The following FAF1 variants were observed in gnomAD, a reference collection of about 807,000 sequenced individuals.
FAF1 encodes the protein Fas associated factor 1.
In FAF1, 25 loss-of-function variants were observed where a neutral mutation model predicts 92.5. That is an observed-to-expected ratio of 0.27 (90% CI 0.20 to 0.38). The LOEUF (loss-of-function observed/expected upper bound fraction) is 0.38, where lower values mean the gene tolerates loss of function less well. Ranked by LOEUF, FAF1 falls within the 10% of genes least tolerant of loss-of-function variation. FAF1 has a pLI of 1.00. For missense variants in FAF1, 636 were observed against 793.3 expected (o/e 0.80, Z 2.38); for synonymous variants, 234 against 273.2 (o/e 0.86, Z 1.42).
rs1648530887 is a variant in FAF1 at position 50,537,223 on chromosome 1, A to G, written c.1406-1766T>C. On this transcript the variant is annotated intron_variant, in intron 14 of 18. Transcript: ENST00000396153. The stretch of plus-strand genomic sequence containing the variant: ...CTGGAATCATCAGTGGGAAAATACT[A>G]TAGTTGTATAGGTTGACTACATACT... 2.0e-5 allele frequency among the ~76,000 whole-genome samples: 3 copies of G among 152,194 alleles called. No individual in the cohort carries two copies. The South Asian group carries it at 6.2e-4, about 32-fold the overall frequency.
intron 9 of FAF1, among the ~76,000 whole-genome samples, 174 bp downstream of exon 9, chr1:50,595,947 A>G (rs1651783360): frequency 6.6e-6 from 1 of 152,206 alleles, no homozygotes; most frequent in Non-Finnish European, 1.5e-5. Flanking sequence ...GAGAAGGAGC[A>G]CATTAGTAGT....
At chr1:50,875,562 C>T (rs1644564454) in intron 1 of FAF1, among the ~76,000 whole-genome samples, 3 of 152,248 alleles carry the variant, frequency 2.0e-5, no homozygotes, top group South Asian at 4.1e-4. Flanking sequence ...AAGCAATTCT[C>T]CTGTCTCAGC....
chr1:50,907,216 C>A (rs1644847245), intron 1 of FAF1, among the ~76,000 whole-genome samples: 1 of 152,198 alleles, frequency 6.6e-6, no homozygotes, highest in Admixed American at 6.5e-5. Flanking sequence ...AGCCTTGCAT[C>A]CTACGGATGA....
At chr1:50,796,815 T>C (rs932138885) in intron 3 of FAF1, among the ~76,000 whole-genome samples, 7 of 152,192 alleles carry the variant, frequency 4.6e-5, no homozygotes, top group Non-Finnish European at 1.5e-5. Context: ...TGACTCCCTA[T>C]ATAAAATTCC....
chr1:50,934,371 T>C (rs1222633954), intron 1 of FAF1, among the ~76,000 whole-genome samples: 2 of 152,334 alleles, frequency 1.3e-5, no homozygotes, highest in South Asian at 2.1e-4. Context: ...GAAATTTCTT[T>C]ATAATTTCTT....
At chr1:50,836,950 T>TA (rs1644210974) in intron 2 of FAF1, among the ~76,000 whole-genome samples, 2 of 137,488 alleles carry the variant, frequency 1.5e-5, no homozygotes, top group African/African-American at 2.9e-5. Context: ...ATGTTATGTT[T>TA]CTTTTTTTTT....
chr1:50,729,034 C>CTATCTATCTATCTATATA (rs774816134), intron 6 of FAF1, among the ~76,000 whole-genome samples: 3 of 88,124 alleles, frequency 3.4e-5, no homozygotes, highest in African/African-American at 1.5e-4. Flanking sequence ...ATCTATCTAT[C>CTATCTATCTATCTATATA]TATATATATA....
At chr1:50,924,137 G>T (rs1644986349) in intron 1 of FAF1, among the ~76,000 whole-genome samples, 1 of 152,082 alleles carries the variant, frequency 6.6e-6, no homozygotes, top group Admixed American at 6.6e-5. Flanking sequence ...ATTCTTGTTT[G>T]CAGACGACAT....
rs187059175 is a variant in FAF1 at position 50,655,206 on chromosome 1, G to A, written c.744+236C>T. On this transcript the variant is annotated intron_variant, in intron 8 of 18. Coordinates refer to ENST00000396153, the MANE Select transcript of FAF1 (RefSeq NM_007051.3). ...CCAGCTAATTTTTGTGTTTTCAGTA[G>A]AGATGGGGTTTCACCATGTTGGCCA... is the stretch of plus-strand genomic sequence containing the variant. Among the ~76,000 whole-genome samples, 497 of 152,270 alleles carry A rather than the reference G, an allele frequency of 3.3e-3. 1 individual carries two copies. The highest frequency in any genetic ancestry group is 0.011 in the African/African-American group (467 of 41,568).
At chr1:50,848,401 T>C (rs1385661233) in intron 2 of FAF1, among the ~76,000 whole-genome samples, 1 of 152,224 alleles carries the variant, frequency 6.6e-6, no homozygotes, top group Non-Finnish European at 1.5e-5. Flanking sequence ...CTGATTATAT[T>C]GTGAAACCTA....
intron 8 of FAF1, among the ~76,000 whole-genome samples, chr1:50,620,327 T>A (rs1653134932): frequency 6.6e-6 from 1 of 152,184 alleles, no homozygotes; most frequent in South Asian, 2.1e-4. Flanking sequence ...GCTCTGAGAG[T>A]CTTTCCTCCT....
chr1:50,789,520 T>C (rs1661491602), intron 3 of FAF1, among the ~76,000 whole-genome samples: 1 of 152,148 alleles, frequency 6.6e-6, no homozygotes, highest in African/African-American at 2.4e-5. Context: ...ATCAGTCCTT[T>C]AAATTATATC....
intron 2 of FAF1, among the ~76,000 whole-genome samples, chr1:50,820,847 A>G (rs1644036777): frequency 6.7e-6 from 1 of 149,714 alleles, no homozygotes; most frequent in Non-Finnish European, 1.5e-5. Context: ...CTGAATAATA[A>G]TGTGTGTGTG....
At chr1:50,531,846 T>G (rs946889849) in intron 15 of FAF1, among the ~76,000 whole-genome samples, 1 of 152,168 alleles carries the variant, frequency 6.6e-6, no homozygotes, top group African/African-American at 2.4e-5. Context: ...AACAAAAGTT[T>G]TAAACATAGG....
At chr1:50,597,720 T>G (rs1045827792) in intron 8 of FAF1, among the ~76,000 whole-genome samples, 2 of 152,182 alleles carry the variant, frequency 1.3e-5, no homozygotes, top group African/African-American at 2.4e-5. Context: ...TGGCAAGAAT[T>G]TAATTGTTCT....
chr1:50,874,973 G>C (rs1273321902), intron 1 of FAF1, among the ~76,000 whole-genome samples: 1 of 151,090 alleles, frequency 6.6e-6, no homozygotes, highest in Non-Finnish European at 1.5e-5. Flanking sequence ...TAGAGACAGG[G>C]TTTTGCCATG....
intron 13 of FAF1, among the ~76,000 whole-genome samples, chr1:50,560,541 G>C (rs1649854682): frequency 6.6e-6 from 1 of 152,218 alleles, no homozygotes; most frequent in Non-Finnish European, 1.5e-5. Context: ...CTGGGGAACT[G>C]TTTACAGCTA....
At chr1:50,857,807 T>G in intron 2 of FAF1, 122 bp downstream of exon 2, 1 of 509,542 alleles carries the variant, frequency 2.0e-6, no homozygotes, top group Non-Finnish European at 3.5e-6. Context: ...TTAGACTTTA[T>G]TAACTCAGCT....
intron 7 of FAF1, among the ~76,000 whole-genome samples, chr1:50,685,727 TA>T (rs1282068409): frequency 1.3e-5 from 2 of 152,174 alleles, no homozygotes; most frequent in Non-Finnish European, 2.9e-5. Flanking sequence ...TCAAATGAAC[TA>T]AGGTTGGAGA....
Sources: gnomAD v4.1 joint callset for allele counts (sites outside exome capture counted in the v4.1 genomes callset) on GRCh38, gnomAD v4.1.1 for gene constraint, MANE v1.5 for transcripts, NCBI Gene and HGNC (gene_info 2026-07-23, HGNC 2026-07-21) for gene names.